DAPK2: variants seen among roughly 807,000 people sequenced by gnomAD.
DAPK2 encodes death associated protein kinase 2.
In DAPK2, 35 loss-of-function variants were observed where a neutral mutation model predicts 44.1. The ratio of observed to expected loss-of-function variants is 0.79; its 90% CI spans 0.61 to 1.05. DAPK2 has a LOEUF of 1.05. DAPK2 is among the 50% of genes least tolerant of loss of function. The pLI is 0.00. For missense variants in DAPK2, 453 were observed against 483.2 expected (o/e 0.94, Z 0.59); for synonymous variants, 174 against 182.6 (o/e 0.95, Z 0.38).
intron 1 of DAPK2, among the ~76,000 whole-genome samples, chr15:64,037,077 G>A (rs2080231958): frequency 6.6e-6 from 1 of 152,190 alleles, no homozygotes; most frequent in Non-Finnish European, 1.5e-5. Context: ...AGAGAGGGCA[G>A]GTTGTCTAAT....
intron 4 of DAPK2, among the ~76,000 whole-genome samples, chr15:63,933,554 T>G (rs940751187): frequency 6.6e-6 from 1 of 151,546 alleles, no homozygotes; most frequent in African/African-American, 2.4e-5. Context: ...AAGAATTTAT[T>G]TTTTATTGTA....
intron 8 of DAPK2, among the ~76,000 whole-genome samples, chr15:63,914,783 T>G (rs1480710218): frequency 6.6e-6 from 1 of 152,236 alleles, no homozygotes; most frequent in Non-Finnish European, 1.5e-5. Context: ...ATACTCACTT[T>G]ATCACCTTGT....
intron 1 of DAPK2, among the ~76,000 whole-genome samples, chr15:64,023,613 T>G (rs1379296761): frequency 6.6e-6 from 1 of 152,192 alleles, no homozygotes; most frequent in African/African-American, 2.4e-5. Context: ...GTGGATCCAG[T>G]TGCACATTCT....
chr15:63,980,018 C>T lies in DAPK2; in HGVS notation c.314+3515G>A, dbSNP rs140907337. The stretch of plus-strand genomic sequence containing the variant: ...ACATGGGTTAGGGACAGTCTTGGAA[C>T]GCTTGGGTCTTCTCCAATCTCATAA... On this transcript the variant is annotated intron_variant, in intron 2 of 10. Coordinates refer to ENST00000261891, the Ensembl canonical transcript of DAPK2. This position sits in a 1 kb window ranked among gnomAD's most constrained non-coding sequence, Gnocchi z 4.3. 3.5e-4 allele frequency among the ~76,000 whole-genome samples: 54 copies of T among 152,282 alleles called. No homozygotes were observed. The highest frequency in any genetic ancestry group is 1.0e-3 in the African/African-American group (42 of 41,560).
At chr15:64,015,823 G>A (rs1441219871) in intron 1 of DAPK2, among the ~76,000 whole-genome samples, 1 of 152,166 alleles carries the variant, frequency 6.6e-6, no homozygotes, top group South Asian at 2.1e-4. Context: ...GCCACCAGAC[G>A]CTAGGAGACA....
At position 64,009,463 on chromosome 15, in the gene DAPK2, C is replaced by T. The variant is rs565871673; in HGVS notation, c.93-25709G>A. Among the ~76,000 whole-genome samples, 6 of 152,218 alleles carry T rather than the reference C, an allele frequency of 3.9e-5. No individual in the cohort carries two copies. The East Asian group carries it at 1.2e-3, about 29-fold the overall frequency. On this transcript the variant is annotated intron_variant, in intron 1 of 10. Coordinates refer to ENST00000261891, the Ensembl canonical transcript of DAPK2. The stretch of plus-strand genomic sequence containing the variant: ...GAGCTCCTTGGCCAGGCCCCAGGGG[C>T]CTTTCACCACCTAGCCTCATTCTAC...
At chr15:63,911,226 CA>C (rs33985538) in intron 10 of DAPK2, 45,660 of 130,922 alleles carry the variant, frequency 0.35, 7,416 homozygotes, top group Admixed American at 0.38. Flanking sequence ...TCTAAACAAA[CA>C]AAAAAAAAAA....
At chr15:63,909,595 G>T (rs2146455709) in intron 10 of DAPK2, 1 of 152,220 alleles carries the variant, frequency 6.6e-6, no homozygotes, top group Non-Finnish European at 1.5e-5. Flanking sequence ...TGAGGTCAGG[G>T]ATTCGAGACC....
At chr15:63,991,645 C>G (rs2078823091) in intron 1 of DAPK2, among the ~76,000 whole-genome samples, 1 of 152,208 alleles carries the variant, frequency 6.6e-6, no homozygotes, top group Admixed American at 6.5e-5. Context: ...ACCCCAAAAG[C>G]TCCAGGGAAC....
intron 3 of DAPK2, among the ~76,000 whole-genome samples, chr15:63,952,412 A>G (rs2140538855): frequency 6.6e-6 from 1 of 152,346 alleles, no homozygotes; most frequent in South Asian, 2.1e-4. Flanking sequence ...AAGGAAGAGC[A>G]GCAGCATCTG....
In DAPK2 at chr15:63,908,735, G is replaced by T. The variant is rs189681483; in HGVS notation, c.1033-135C>A. 1.2e-3 allele frequency: 768 copies of T among 645,724 alleles called. 3 individuals are homozygous for T. The highest frequency in any genetic ancestry group is 1.1e-3 in the Non-Finnish European group (451 of 398,648). The allele number at this position is 645,724 out of a possible 1,614,324, so 40.0% of individuals were successfully genotyped here. On this transcript the variant is annotated intron_variant, in intron 10 of 10. Coordinates refer to ENST00000261891, the Ensembl canonical transcript of DAPK2. This position sits in a 1 kb window ranked among gnomAD's most constrained non-coding sequence, Gnocchi z 5.7. ...CCAGGGAGGTGGGTGGTGAAAGCAA[G>T]CCTGCTGATCCATCCAGGGGCTGGG...
At chr15:63,981,916 C>T (rs558600957) in intron 2 of DAPK2, among the ~76,000 whole-genome samples, 1 of 152,290 alleles carries the variant, frequency 6.6e-6, no homozygotes, top group South Asian at 2.1e-4. Context: ...ATTTAAGAAT[C>T]AAATGCAAGA....
chr15:63,944,456 T>C (rs1161446436), intron 3 of DAPK2, among the ~76,000 whole-genome samples: 1 of 152,194 alleles, frequency 6.6e-6, no homozygotes, highest in Non-Finnish European at 1.5e-5. Flanking sequence ...GGCTTCCTTC[T>C]TGCTGTCCCA....
intron 1 of DAPK2, among the ~76,000 whole-genome samples, chr15:63,993,724 C>T (rs971618873): frequency 1.3e-5 from 2 of 152,098 alleles, no homozygotes; most frequent in African/African-American, 4.8e-5. Flanking sequence ...CCACCAACTT[C>T]CAAGCTTCCT....
intron 2 of DAPK2, among the ~76,000 whole-genome samples, chr15:63,977,685 C>T (rs776186345): frequency 3.3e-5 from 5 of 152,112 alleles, no homozygotes; most frequent in Non-Finnish European, 7.3e-5. Flanking sequence ...AGTTTGCCAC[C>T]GGTGCAATGT....
At chr15:63,947,800 C>T (rs1367585230) in intron 3 of DAPK2, among the ~76,000 whole-genome samples, 2 of 152,040 alleles carry the variant, frequency 1.3e-5, no homozygotes, top group Non-Finnish European at 2.9e-5. Flanking sequence ...ATTTCCAGGC[C>T]CTGCCCAAAC....
intron 2 of DAPK2, among the ~76,000 whole-genome samples, chr15:63,972,784 G>T (rs1207523023): frequency 1.3e-5 from 2 of 152,180 alleles, no homozygotes; most frequent in African/African-American, 2.4e-5. Flanking sequence ...AAGCTTAAAA[G>T]TATGCAAAAT....
intron 1 of DAPK2, among the ~76,000 whole-genome samples, chr15:64,030,879 G>A (rs2079992163): frequency 6.6e-6 from 1 of 152,086 alleles, no homozygotes; most frequent in Non-Finnish European, 1.5e-5. Context: ...GAGGCGGGAG[G>A]ATGCTGGAGC....
intron 1 of DAPK2, among the ~76,000 whole-genome samples, chr15:64,036,870 G>T (rs186368319): frequency 4.5e-4 from 68 of 152,194 alleles, no homozygotes; most frequent in African/African-American, 1.5e-3. Context: ...AGAGGCAGAA[G>T]GTGGGGCCTT....
Sources: gnomAD v4.1 joint callset for allele counts (sites outside exome capture counted in the v4.1 genomes callset) on GRCh38, gnomAD v4.1.1 for gene constraint, Gnocchi (gnomAD v3.1) non-coding constraint, MANE v1.5 for transcripts, NCBI Gene and HGNC (gene_info 2026-07-23, HGNC 2026-07-21) for gene names.